Variants in NECAB1 observed in about 807,000 individuals in gnomAD.
NECAB1 encodes N-terminal EF-hand calcium-binding protein 1.
A neutral mutation model predicts 57.5 loss-of-function variants in NECAB1; 29 were observed. The ratio of observed to expected loss-of-function variants is 0.50; its 90% CI spans 0.38 to 0.69. The LOEUF is 0.69. NECAB1 is among the 30% of genes least tolerant of loss of function. NECAB1 has a pLI of 0.00. For missense variants in NECAB1, 372 were observed against 413.8 expected (o/e 0.90, Z 0.88); for synonymous variants, 142 against 147.7 (o/e 0.96, Z 0.28).
chr8:90,919,706 GCA>G (rs1463950899), intron 6 of NECAB1, among the ~76,000 whole-genome samples: 1 of 152,148 alleles, frequency 6.6e-6, no homozygotes, highest in Admixed American at 6.5e-5. Context: ...ATGTCTTGAA[GCA>G]CAGTGAAATG....
At chr8:90,894,964 A>G (rs1586096644) in intron 5 of NECAB1, among the ~76,000 whole-genome samples, 2 of 152,270 alleles carry the variant, frequency 1.3e-5, no homozygotes, top group South Asian at 4.1e-4. Flanking sequence ...ATGACAACCA[A>G]ATCAATAGTT....
intron 4 of NECAB1, among the ~76,000 whole-genome samples, chr8:90,877,061 T>C (rs966002338): frequency 3.3e-5 from 5 of 152,216 alleles, no homozygotes; most frequent in African/African-American, 9.7e-5. Context: ...GGTATTGTGA[T>C]TCAAATGAGA....
chr8:90,900,217 G>A (rs1309983710), intron 5 of NECAB1, among the ~76,000 whole-genome samples: 1 of 152,202 alleles, frequency 6.6e-6, no homozygotes, highest in East Asian at 1.9e-4. Context: ...CAAGGGTCAT[G>A]TGAAATGTCA....
intron 3 of NECAB1, among the ~76,000 whole-genome samples, chr8:90,861,264 A>G (rs1051924629): frequency 6.6e-6 from 1 of 152,146 alleles, no homozygotes; most frequent in Admixed American, 6.5e-5. Flanking sequence ...AGCTCTGTAA[A>G]TAGGGACTTC....
intron 2 of NECAB1, among the ~76,000 whole-genome samples, chr8:90,822,885 ACATG>A (rs1253295227): frequency 6.6e-6 from 1 of 151,454 alleles, no homozygotes; most frequent in Non-Finnish European, 1.5e-5. Context: ...TTTAAACAGT[ACATG>A]AAAAGGTCTT....
intron 2 of NECAB1, among the ~76,000 whole-genome samples, chr8:90,816,060 T>C (rs1449199510): frequency 2.6e-5 from 4 of 151,958 alleles, no homozygotes; most frequent in Non-Finnish European, 5.9e-5. Context: ...ATTATCAGTT[T>C]TTTTCAGGTT....
intron 3 of NECAB1, among the ~76,000 whole-genome samples, chr8:90,833,488 G>A (rs757397463): frequency 6.6e-6 from 1 of 151,818 alleles, no homozygotes; most frequent in African/African-American, 2.4e-5. Context: ...CATGTGCCAC[G>A]GTGGTTTGCT....
rs867160121 is a variant in NECAB1 at position 90,946,837 on chromosome 8, C to G, written c.861-2970C>G. On this transcript the variant is annotated intron_variant, in intron 10 of 12. Coordinates refer to ENST00000417640, the MANE Select transcript of NECAB1 (RefSeq NM_022351.5). Reference sequence around the variant, plus strand: ...GCTGGCCACTGGGAAGGCTAGGAAACAAGTGTCCAGCAGAGAGGAGTAAGG... The same window carrying G: ...GCTGGCCACTGGGAAGGCTAGGAAAGAAGTGTCCAGCAGAGAGGAGTAAGG... Among the ~76,000 whole-genome samples, 2 of 152,314 alleles carry G rather than the reference C, an allele frequency of 1.3e-5. 1 individual carries two copies.
In NECAB1 at chr8:90,837,550, CTG is replaced by C. The variant is rs538295853; in HGVS notation, c.233+12726_233+12727del. The stretch of plus-strand genomic sequence containing the variant: ...TTGGACCACAGTTGACTGCAAGTAA[CTG>C]AAACTACGAAAAGTGAAACATTGGA... On this transcript the variant is annotated intron_variant, in intron 3 of 12. Coordinates refer to ENST00000417640, the MANE Select transcript of NECAB1 (RefSeq NM_022351.5). Among the ~76,000 whole-genome samples, 193 of 152,234 alleles carry C rather than the reference CTG, an allele frequency of 1.3e-3. 3 individuals are homozygous for C. Among genetic ancestry groups the C allele is most frequent in the African/African-American group, 4.2e-3 (173 of 41,538 alleles).
chr8:90,953,923 G>T (rs1199716056), intron 12 of NECAB1, among the ~76,000 whole-genome samples: 1 of 151,896 alleles, frequency 6.6e-6, no homozygotes, highest in Non-Finnish European at 1.5e-5. Context: ...CAAAAAATTA[G>T]CCAGGCATGG....
chr8:90,859,657 C>T (rs973496601), intron 3 of NECAB1, among the ~76,000 whole-genome samples: 1 of 151,984 alleles, frequency 6.6e-6, no homozygotes, highest in Non-Finnish European at 1.5e-5. Context: ...TCAGGTAAGA[C>T]AAATGTAAGT....
At chr8:90,878,193 AC>A (rs1162747169) in intron 4 of NECAB1, among the ~76,000 whole-genome samples, 2 of 151,844 alleles carry the variant, frequency 1.3e-5, no homozygotes, top group Non-Finnish European at 2.9e-5. Context: ...GGGCCCTTCA[AC>A]CATTGTCTTT....
intron 7 of NECAB1, 137 bp from the exon 8 acceptor site, chr8:90,928,086 G>T: frequency 1.5e-6 from 1 of 663,090 alleles, no homozygotes; most frequent in South Asian, 1.9e-5. Context: ...AAGCACTCGT[G>T]AATACATTTT....
intron 2 of NECAB1, among the ~76,000 whole-genome samples, chr8:90,807,839 A>C (rs1233320134): frequency 6.6e-6 from 1 of 152,192 alleles, no homozygotes. Flanking sequence ...TCGAAAGTCA[A>C]AGCAAAGTCT....
At chr8:90,907,318 C>A (rs552932423) in intron 5 of NECAB1, among the ~76,000 whole-genome samples, 1 of 152,246 alleles carries the variant, frequency 6.6e-6, no homozygotes, top group African/African-American at 2.4e-5. Context: ...GAGACCTTGA[C>A]ACAAACTCAA....
intron 3 of NECAB1, among the ~76,000 whole-genome samples, chr8:90,828,441 GC>G (rs2129715786): frequency 6.6e-6 from 1 of 152,114 alleles, no homozygotes; most frequent in South Asian, 2.1e-4. Context: ...CCAGGCACAA[GC>G]TTAAGCTCAG....
At position 90,949,146 on chromosome 8, in the gene NECAB1, TTGTGTGTGTGTGTGTGTGTG is replaced by T. The variant is rs59311652; in HGVS notation, c.861-629_861-610del. On this transcript the variant is annotated intron_variant, in intron 10 of 12. Transcript: ENST00000417640. The stretch of plus-strand genomic sequence containing the variant: ...ACTTCATCCAGAGACAACAGGCACT[TTGTGTGTGTGTGTGTGTGTG>T]TGTGTGTGTGTGTGTGTGTGTGTGT... 3.2e-4 allele frequency among the ~76,000 whole-genome samples: 41 copies of T among 129,966 alleles called. No individual in the cohort carries two copies. The East Asian group carries it at 4.9e-3, about 15-fold the overall frequency. The allele number at this position is 129,966 out of a possible 152,430, so 85.3% of individuals were successfully genotyped here.
At chr8:90,828,358 C>T (rs1272794907) in intron 3 of NECAB1, among the ~76,000 whole-genome samples, 1 of 152,050 alleles carries the variant, frequency 6.6e-6, no homozygotes, top group Non-Finnish European at 1.5e-5. Flanking sequence ...CAAAACCAAA[C>T]TACCTGTATC....
intron 10 of NECAB1, among the ~76,000 whole-genome samples, chr8:90,943,778 A>G (rs1327147966): frequency 6.6e-6 from 1 of 152,166 alleles, no homozygotes; most frequent in Non-Finnish European, 1.5e-5. Context: ...TTGAGACAGG[A>G]TCTTGCTCTG....
Sources: gnomAD v4.1 joint callset for allele counts (sites outside exome capture counted in the v4.1 genomes callset) on GRCh38, gnomAD v4.1.1 for gene constraint, MANE v1.5 for transcripts, NCBI Gene and HGNC (gene_info 2026-07-23, HGNC 2026-07-21) for gene names.